Variants in PRTFDC1 observed in about 807,000 individuals in gnomAD.
PRTFDC1 encodes phosphoribosyl transferase domain containing 1, also known as phosphoribosyltransferase domain-containing protein 1.
In PRTFDC1, 38 loss-of-function variants were observed where a neutral mutation model predicts 34.6. The ratio of observed to expected loss-of-function variants is 1.10; its 90% CI spans 0.85 to 1.44. The LOEUF is 1.44. Ranked by LOEUF, PRTFDC1 falls within the 40% of genes most tolerant of loss-of-function variation. PRTFDC1 has a pLI of 0.00. For synonymous variants in PRTFDC1, 93 were observed against 98.1 expected, an observed-to-expected ratio of 0.95 and a Z score of 0.31; for missense variants, 270 against 283.0, an observed-to-expected ratio of 0.95 and a Z score of 0.33.
intron 3 of PRTFDC1, among the ~76,000 whole-genome samples, chr10:24,880,921 C>CTCTTTCTTTCCCCTT (rs1848067813): frequency 7.1e-6 from 1 of 140,624 alleles, no homozygotes; most frequent in East Asian, 2.1e-4. Flanking sequence ...TCTTTCTTCC[C>CTCTTTCTTTCCCCTT]TCTTTCTTTC....
intron 6 of PRTFDC1, 47 bp from the exon 7 acceptor site, chr10:24,855,411 T>C (rs1456057672): frequency 1.3e-6 from 2 of 1,596,288 alleles, no homozygotes; most frequent in Non-Finnish European, 1.7e-6. Context: ...CAAATCTCTA[T>C]GAATTGTAAA....
intron 3 of PRTFDC1, among the ~76,000 whole-genome samples, chr10:24,928,016 A>G (rs1343975313): frequency 6.6e-6 from 1 of 152,194 alleles, no homozygotes; most frequent in African/African-American, 2.4e-5. Context: ...CAAGTTACAC[A>G]TTTTTTGTTA....
At chr10:24,867,672 T>C (rs538146979) in intron 4 of PRTFDC1, 1 of 152,276 alleles carries the variant, frequency 6.6e-6, no homozygotes, top group South Asian at 2.1e-4. Flanking sequence ...TTTATTAAGT[T>C]TTATTCTTGT....
chr10:24,942,773 G>C (rs529102804), intron 1 of PRTFDC1, among the ~76,000 whole-genome samples: 1 of 152,196 alleles, frequency 6.6e-6, no homozygotes, highest in Admixed American at 6.5e-5. Context: ...TCAGCCTCCC[G>C]AGGAGCTGGG....
At chr10:24,879,145 T>C (rs1459352848) in intron 3 of PRTFDC1, among the ~76,000 whole-genome samples, 1 of 152,170 alleles carries the variant, frequency 6.6e-6, no homozygotes, top group Non-Finnish European at 1.5e-5. Context: ...GCTCAGATAA[T>C]AAGGACAGGT....
chr10:24,952,473 G>A lies in PRTFDC1; in HGVS notation c.48+55C>T. 6.6e-7 allele frequency: 1 copy of A among 1,525,440 alleles called. No individual in the cohort carries two copies. The highest frequency in any genetic ancestry group is 8.9e-7 in the Non-Finnish European group (1 of 1,122,026). The allele number at this position is 1,525,440 out of a possible 1,614,324, so 94.5% of individuals were successfully genotyped here. A position where few individuals can be genotyped will look rare whatever the true frequency, so the allele number is the denominator to read the frequency against. On this transcript the variant is annotated intron_variant, in intron 1 of 8. Transcript: ENST00000320152. The surrounding 1 kb of genome is among the most constrained non-coding windows in gnomAD (Gnocchi z 5.1). ...GGCAAGCATTTAATCTACAAGCAGG[G>A]TGCCAGGGAGGGAGGGGAGCGGGCC...
At chr10:24,887,908 C>G (rs1461771763) in intron 3 of PRTFDC1, among the ~76,000 whole-genome samples, 1 of 143,862 alleles carries the variant, frequency 7.0e-6, no homozygotes, top group Non-Finnish European at 1.6e-5. Flanking sequence ...CTGTTCACTT[C>G]TGTGTTTTTA....
chr10:24,895,808 A>G (rs1213509201), intron 3 of PRTFDC1, among the ~76,000 whole-genome samples: 1 of 150,274 alleles, frequency 6.7e-6, no homozygotes, highest in Non-Finnish European at 1.5e-5. Context: ...ATGGAAATCA[A>G]TATCCCTTGA....
At chr10:24,921,714 G>GAAATAAAAAAA (rs1848792049) in intron 3 of PRTFDC1, among the ~76,000 whole-genome samples, 1 of 125,186 alleles carries the variant, frequency 8.0e-6, no homozygotes, top group Non-Finnish European at 1.7e-5. Flanking sequence ...TGTTCTCTAG[G>GAAATAAAAAAA]AAAAAAAAAA....
At chr10:24,889,060 C>A (rs901102903) in intron 3 of PRTFDC1, among the ~76,000 whole-genome samples, 1 of 152,050 alleles carries the variant, frequency 6.6e-6, no homozygotes, top group Admixed American at 6.6e-5. Flanking sequence ...ATGTTGAAAT[C>A]GAATCACCAT....
chr10:24,934,206 C>T (rs1326926836), intron 3 of PRTFDC1, among the ~76,000 whole-genome samples: 1 of 148,682 alleles, frequency 6.7e-6, no homozygotes, highest in Admixed American at 6.8e-5. Context: ...TCAAATTCTA[C>T]TGGACACAAA....
intron 3 of PRTFDC1, among the ~76,000 whole-genome samples, chr10:24,910,004 A>G (rs1287309254): frequency 6.6e-6 from 1 of 151,660 alleles, no homozygotes; most frequent in Non-Finnish European, 1.5e-5. Flanking sequence ...TACAAAAAAA[A>G]AAAAAAAATA....
intron 3 of PRTFDC1, among the ~76,000 whole-genome samples, chr10:24,912,074 G>A (rs532114403): frequency 6.6e-6 from 1 of 151,710 alleles, no homozygotes; most frequent in South Asian, 2.1e-4. Context: ...TTCAAGACCA[G>A]CTTGGCCAAC....
chr10:24,928,200 A>G (rs1848910844), intron 3 of PRTFDC1, among the ~76,000 whole-genome samples: 1 of 151,878 alleles, frequency 6.6e-6, no homozygotes, highest in Admixed American at 6.6e-5. Context: ...TCCCTCTTCT[A>G]GTCCTTTATT....
At chr10:24,898,977 G>A (rs142934362) in intron 3 of PRTFDC1, among the ~76,000 whole-genome samples, 3 of 152,120 alleles carry the variant, frequency 2.0e-5, no homozygotes, top group Non-Finnish European at 2.9e-5. Flanking sequence ...CATGCAACCC[G>A]GAAGCCCTCA....
intron 3 of PRTFDC1, among the ~76,000 whole-genome samples, chr10:24,923,979 C>T (rs6482460): frequency 0.32 from 49,157 of 152,032 alleles, 9,353 homozygotes; most frequent in African/African-American, 0.53. Context: ...GAGCTGAAAA[C>T]CACAGTACGA....
In PRTFDC1 at chr10:24,944,528, A is replaced by C. The variant is rs544747163; in HGVS notation, c.49-2092T>G. On this transcript the variant is annotated intron_variant, in intron 1 of 8. Coordinates refer to ENST00000320152, the MANE Select transcript of PRTFDC1 (RefSeq NM_020200.7). ...GCCAGGTACAGTGGCTCATGCCTGTAATCCCAGCACTTGAGAGGCTGAGGC... is the reference window on the plus strand; with the variant it reads ...GCCAGGTACAGTGGCTCATGCCTGTCATCCCAGCACTTGAGAGGCTGAGGC... 3.3e-5 allele frequency among the ~76,000 whole-genome samples: 5 copies of C among 152,290 alleles called. No homozygotes were observed. In the South Asian group the frequency reaches 1.0e-3, roughly 32 times the overall value.
chr10:24,878,751 C>G (rs140442628), intron 3 of PRTFDC1, among the ~76,000 whole-genome samples: 1 of 152,104 alleles, frequency 6.6e-6, no homozygotes, highest in African/African-American at 2.4e-5. Flanking sequence ...GAATACATAT[C>G]CTAAATATCC....
intron 3 of PRTFDC1, among the ~76,000 whole-genome samples, chr10:24,876,356 A>C (rs1847962166): frequency 6.6e-6 from 1 of 152,138 alleles, no homozygotes. Flanking sequence ...AGAACCTGGC[A>C]CATGTTTAGC....
Sources: allele counts gnomAD v4.1 joint callset (sites outside exome capture counted in the v4.1 genomes callset), GRCh38; gene constraint gnomAD v4.1.1; non-coding constraint Gnocchi (gnomAD v3.1); transcripts MANE v1.5; gene names NCBI Gene and HGNC (gene_info 2026-07-23, HGNC 2026-07-21).